The following INPP4B variants were observed in gnomAD, a reference collection of about 807,000 sequenced individuals.
INPP4B encodes the protein inositol polyphosphate-4-phosphatase type II B.
A neutral mutation model predicts 122.5 loss-of-function variants in INPP4B; 55 were observed. The ratio of observed to expected loss-of-function variants is 0.45; its 90% CI spans 0.36 to 0.56. The LOEUF is 0.56. INPP4B is among the 20% of genes least tolerant of loss of function. The pLI, the probability that INPP4B is intolerant of heterozygous loss-of-function variation, is 0.00. For missense variants in INPP4B, 1,000 were observed against 1,097.7 expected (o/e 0.91, Z 1.26); for synonymous variants, 403 against 388.7 (o/e 1.04, Z -0.43).
chr4:142,492,731 G>T (rs1391730306), intron 2 of INPP4B, among the ~76,000 whole-genome samples: 2 of 152,146 alleles, frequency 1.3e-5, no homozygotes, highest in African/African-American at 4.8e-5. Context: ...AGGAGGAAGG[G>T]CATAAAAGTT....
intron 10 of INPP4B, among the ~76,000 whole-genome samples, chr4:142,269,091 C>T (rs1561690296): frequency 6.6e-6 from 1 of 152,130 alleles, no homozygotes; most frequent in Non-Finnish European, 1.5e-5. Flanking sequence ...GGGACAAGGA[C>T]AAGACTAGAA....
At chr4:142,457,073 T>G (rs905970810) in intron 3 of INPP4B, among the ~76,000 whole-genome samples, 1 of 151,984 alleles carries the variant, frequency 6.6e-6, no homozygotes, top group Admixed American at 6.6e-5. Context: ...AAATAAATAG[T>G]GTAACAATTG....
intron 1 of INPP4B, among the ~76,000 whole-genome samples, chr4:142,747,075 G>C (rs1484998596): frequency 2.6e-5 from 4 of 152,162 alleles, no homozygotes; most frequent in Admixed American, 2.0e-4. Context: ...TCTCATCAGA[G>C]TGAACAGGCA....
Position 142,431,314 on chromosome 4 carries a change from C to T in INPP4B, c.-55G>A. The T allele has an allele frequency of 8.1e-7, 1 of 1,239,282 alleles. No individual in the cohort carries two copies. Among genetic ancestry groups the T allele is most frequent in the Non-Finnish European group, 1.2e-6 (1 of 842,824 alleles). 76.8% of individuals were successfully genotyped at this position (1,239,282 alleles called of 1,614,324 possible). ...AAATTTTCTTGTCCAAATGTCAGTT[C>T]TAGTGATTCCTGGTTTAATGTAGAT... On this transcript the variant is annotated 5_prime_UTR_variant, in exon 4 of 26. Transcript: ENST00000262992.
intron 7 of INPP4B, among the ~76,000 whole-genome samples, chr4:142,341,812 G>A (rs1241489104): frequency 6.6e-6 from 1 of 152,098 alleles, no homozygotes; most frequent in Non-Finnish European, 1.5e-5. Flanking sequence ...TGGCCTCCAG[G>A]ATCTGAGACG....
At chr4:142,242,292 A>C (rs567758005) in intron 11 of INPP4B, among the ~76,000 whole-genome samples, 76 of 152,184 alleles carry the variant, frequency 5.0e-4, no homozygotes, top group Non-Finnish European at 7.1e-4. Flanking sequence ...GGGTAAGAAA[A>C]ACATGAGAGG....
At chr4:142,627,667 G>A (rs1170114375) in intron 2 of INPP4B, among the ~76,000 whole-genome samples, 55 of 149,412 alleles carry the variant, frequency 3.7e-4, no homozygotes, top group Admixed American at 3.5e-3. Flanking sequence ...GTATTTTATT[G>A]AGGATTTTTT....
intron 2 of INPP4B, among the ~76,000 whole-genome samples, chr4:142,692,366 G>C (rs563623351): frequency 1.3e-5 from 2 of 152,066 alleles, no homozygotes; most frequent in African/African-American, 4.8e-5. Flanking sequence ...TCTATTTGCC[G>C]ACAAGATTTA....
chr4:142,352,345 T>G (rs1175516124), intron 7 of INPP4B, among the ~76,000 whole-genome samples: 1 of 151,892 alleles, frequency 6.6e-6, no homozygotes, highest in Non-Finnish European at 1.5e-5. Flanking sequence ...AAATAATACA[T>G]CAACTTTCCT....
chr4:142,796,372 C>G (rs1347145013), intron 1 of INPP4B, among the ~76,000 whole-genome samples: 2 of 151,848 alleles, frequency 1.3e-5, no homozygotes, highest in Non-Finnish European at 2.9e-5. Context: ...GTTCGGCAGT[C>G]AAATTATTAA....
chr4:142,069,401 C>A (rs546586674), intron 25 of INPP4B, among the ~76,000 whole-genome samples: 1 of 152,252 alleles, frequency 6.6e-6, no homozygotes, highest in East Asian at 1.9e-4. Flanking sequence ...AAATCAACAC[C>A]TTAACATCAC....
intron 2 of INPP4B, among the ~76,000 whole-genome samples, chr4:142,585,255 A>T (rs1413146184): frequency 2.6e-5 from 4 of 152,168 alleles, no homozygotes; most frequent in Non-Finnish European, 2.9e-5. Flanking sequence ...TTAGAAAACA[A>T]GATCTTTGTT....
chr4:142,171,311 C>G (rs766978402), intron 16 of INPP4B, among the ~76,000 whole-genome samples: 1 of 151,754 alleles, frequency 6.6e-6, no homozygotes, highest in Non-Finnish European at 1.5e-5. Flanking sequence ...TCCTTAATGT[C>G]TTGAATATGC....
intron 18 of INPP4B, 108 bp from the exon 19 acceptor site, chr4:142,124,868 T>C (rs912761194): frequency 2.5e-6 from 2 of 799,290 alleles, no homozygotes; most frequent in Non-Finnish European, 1.8e-6. Flanking sequence ...GTTAGACATA[T>C]TCTTAAGGAT....
At chr4:142,688,147 T>C (rs1051696186) in intron 2 of INPP4B, among the ~76,000 whole-genome samples, 1 of 152,160 alleles carries the variant, frequency 6.6e-6, no homozygotes, top group African/African-American at 2.4e-5. Context: ...AGTTTTCTCT[T>C]TATAACACTT....
At chr4:142,142,399 G>A (rs552478129) in intron 18 of INPP4B, among the ~76,000 whole-genome samples, 3 of 152,192 alleles carry the variant, frequency 2.0e-5, no homozygotes, top group African/African-American at 7.2e-5. Flanking sequence ...GTTAGTTAGA[G>A]TGTCTTTTGT....
At chr4:142,258,981 T>C (rs1471402798) in intron 11 of INPP4B, among the ~76,000 whole-genome samples, 3 of 151,316 alleles carry the variant, frequency 2.0e-5, no homozygotes, top group South Asian at 2.1e-4. Flanking sequence ...TAGACTGGAT[T>C]AAGAAAATGT....
At chr4:142,418,162 A>C (rs932777781) in intron 5 of INPP4B, among the ~76,000 whole-genome samples, 1 of 152,000 alleles carries the variant, frequency 6.6e-6, no homozygotes, top group Admixed American at 6.6e-5. Context: ...AGGCCAAAAG[A>C]CTCTATTTCT....
At chr4:142,732,161 A>C (rs1162282887) in intron 1 of INPP4B, among the ~76,000 whole-genome samples, 2 of 152,186 alleles carry the variant, frequency 1.3e-5, no homozygotes, top group African/African-American at 4.8e-5. Flanking sequence ...TATAGATATA[A>C]AAACTAAAGA....
Sources: allele counts gnomAD v4.1 joint callset (sites outside exome capture counted in the v4.1 genomes callset), GRCh38; gene constraint gnomAD v4.1.1; transcripts MANE v1.5; gene names NCBI Gene and HGNC (gene_info 2026-07-23, HGNC 2026-07-21).